VPS37A: variants seen among roughly 807,000 people sequenced by gnomAD.
VPS37A encodes VPS37A subunit of ESCRT-I.
Under a neutral mutation model 49.8 loss-of-function variants are expected in VPS37A, and 30 were observed. That is an observed-to-expected ratio of 0.60 (90% CI 0.45 to 0.82). VPS37A has a LOEUF of 0.82. VPS37A is among the 40% of genes least tolerant of loss of function. The pLI is 0.00. For missense variants in VPS37A, 593 were observed against 464.4 expected, an observed-to-expected ratio of 1.28 and a Z score of -2.55; for synonymous variants, 195 against 160.6, an observed-to-expected ratio of 1.21 and a Z score of -1.62.
chr8:17,292,534 G>C (rs1272000900), intron 11 of VPS37A, among the ~76,000 whole-genome samples: 1 of 152,124 alleles, frequency 6.6e-6, no homozygotes, highest in African/African-American at 2.4e-5. Context: ...CCCATTAGTT[G>C]ATGCAGTTTC....
chr8:17,285,407 TTTCTG>T (rs1173408534), intron 10 of VPS37A, among the ~76,000 whole-genome samples: 11 of 152,300 alleles, frequency 7.2e-5, no homozygotes, highest in African/African-American at 2.6e-4. Context: ...TGAGAAACAG[TTTCTG>T]TTCTGTTCTG....
chr8:17,260,636 T>C (rs1482860913), intron 1 of VPS37A, among the ~76,000 whole-genome samples: 1 of 152,196 alleles, frequency 6.6e-6, no homozygotes, highest in Non-Finnish European at 1.5e-5. Flanking sequence ...TCTTATAAGA[T>C]GGGTCTTGGG....
At chr8:17,272,275 TTTG>T (rs1027542064) in intron 4 of VPS37A, among the ~76,000 whole-genome samples, 6 of 152,056 alleles carry the variant, frequency 3.9e-5, no homozygotes, top group African/African-American at 7.2e-5. Flanking sequence ...ACTTTAGATT[TTTG>T]TTGTTGTTGT....
the VPS37A span, among the ~76,000 whole-genome samples, chr8:17,323,675 T>C: frequency 0.029 from 4,429 of 152,204 alleles, 216 homozygotes; most frequent in African/African-American, 0.1. Flanking sequence ...ACACACCTCA[T>C]GCCAGCTGAG....
intron 1 of VPS37A, among the ~76,000 whole-genome samples, chr8:17,249,795 A>G (rs1014429897): frequency 2.6e-5 from 4 of 152,230 alleles, no homozygotes; most frequent in Non-Finnish European, 5.9e-5. Context: ...AAAGCATAAC[A>G]GATTTATTTA....
At position 17,274,961 on chromosome 8, in the gene VPS37A, T is replaced by A; in HGVS notation, c.642+3T>A. The stretch of plus-strand genomic sequence containing the variant: ...CCACAGTGGATGCTTCAATACCGGT[T>A]GGTATCGTCAGTTATCTATATTTTG... On this transcript the variant is annotated splice_donor_region_variant and intron_variant, in intron 5 of 11. Transcript: ENST00000324849. 6.3e-7 allele frequency: 1 copy of A among 1,597,256 alleles called. No individual in the cohort carries two copies. The highest frequency in any genetic ancestry group is 8.6e-7 in the Non-Finnish European group (1 of 1,165,090).
At chr8:17,259,447 A>C (rs1350408263) in intron 1 of VPS37A, among the ~76,000 whole-genome samples, 1 of 151,980 alleles carries the variant, frequency 6.6e-6, no homozygotes, top group Non-Finnish European at 1.5e-5. Flanking sequence ...ACTTGATGTA[A>C]TTTCTGATTT....
chr8:17,309,692 G>A, the VPS37A span, among the ~76,000 whole-genome samples: 2 of 152,274 alleles, frequency 1.3e-5, no homozygotes, highest in South Asian at 4.1e-4. Context: ...ATTCGCCCAA[G>A]ATCATGCTAC....
intron 9 of VPS37A, among the ~76,000 whole-genome samples, chr8:17,282,266 TGAG>T (rs1045797559): frequency 1.3e-5 from 2 of 152,076 alleles, no homozygotes; most frequent in African/African-American, 4.8e-5. Context: ...TGGAAAAAAT[TGAG>T]GATTCAATAA....
chr8:17,277,050 C>T (rs1171477702), intron 6 of VPS37A, among the ~76,000 whole-genome samples: 1 of 152,024 alleles, frequency 6.6e-6, no homozygotes, highest in Non-Finnish European at 1.5e-5. Context: ...GTTCATGATA[C>T]TCATAAGGCT....
At chr8:17,329,177 C>A in the VPS37A span, among the ~76,000 whole-genome samples, 1 of 151,968 alleles carries the variant, frequency 6.6e-6, no homozygotes, top group Admixed American at 6.6e-5. Flanking sequence ...GTAGTATGAG[C>A]CTTCATATCT....
chr8:17,256,318 T>TTG (rs1812454920), intron 1 of VPS37A, among the ~76,000 whole-genome samples: 1 of 144,092 alleles, frequency 6.9e-6, no homozygotes, highest in South Asian at 2.2e-4. Context: ...TTTTTTTTTT[T>TTG]GGAGATAGGG....
chr8:17,281,231 T>C (rs1815028651), intron 9 of VPS37A, among the ~76,000 whole-genome samples: 1 of 152,064 alleles, frequency 6.6e-6, no homozygotes, highest in Non-Finnish European at 1.5e-5. Flanking sequence ...CACCAAATCC[T>C]ATGAAATAGG....
At chr8:17,269,361 A>C (rs1813772577) in intron 4 of VPS37A, among the ~76,000 whole-genome samples, 1 of 152,130 alleles carries the variant, frequency 6.6e-6, no homozygotes, top group South Asian at 2.1e-4. Flanking sequence ...TGAGCCAAGT[A>C]TGTTACCATG....
At chr8:17,267,865 A>G (rs1193581258) in intron 2 of VPS37A, among the ~76,000 whole-genome samples, 1 of 152,156 alleles carries the variant, frequency 6.6e-6, no homozygotes, top group Non-Finnish European at 1.5e-5. Context: ...ACAGAAAATT[A>G]TATGGCTAGA....
chr8:17,286,353 C>T lies in VPS37A; in HGVS notation c.1120C>T (p.His374Tyr). The change falls in exon 11 of 12, where the codon CAC becomes TAC. Residue 374 changes from histidine to tyrosine, a missense_variant. Coordinates refer to ENST00000324849, the MANE Select transcript of VPS37A (RefSeq NM_152415.3). Reference sequence around the variant, plus strand: ...TCAAAAATTTATTTTCTAGATTTGCCACTGTAGAAGAGCCAAGGAAGAGAA... The same window carrying T: ...TCAAAAATTTATTTTCTAGATTTGCTACTGTAGAAGAGCCAAGGAAGAGAA... ...SSFMEKRTIC[H>Y]CRRAKEEKLQ... is the part of the protein sequence containing the mutation. 2 of 1,613,102 alleles carry T rather than the reference C, an allele frequency of 1.2e-6. No individual in the cohort carries two copies. The highest frequency in any genetic ancestry group is 1.1e-5 in the South Asian group (1 of 90,902).
intron 9 of VPS37A, among the ~76,000 whole-genome samples, chr8:17,282,497 T>C (rs1431345500): frequency 6.6e-6 from 1 of 152,002 alleles, no homozygotes; most frequent in Non-Finnish European, 1.5e-5. Flanking sequence ...TATTTACCTC[T>C]ACAGATTGAA....
At chr8:17,271,126 T>C (rs1232810658) in intron 4 of VPS37A, among the ~76,000 whole-genome samples, 4 of 152,160 alleles carry the variant, frequency 2.6e-5, no homozygotes, top group African/African-American at 9.7e-5. Flanking sequence ...CTTCATAGAG[T>C]AATTTTCGTT....
At chr8:17,305,428 A>G (rs938848231), downstream of VPS37A, among the ~76,000 whole-genome samples, 7 of 152,202 alleles carry the variant, frequency 4.6e-5, no homozygotes, top group Non-Finnish European at 1.0e-4. Context: ...ATGGTAGCAT[A>G]GCCACCAAAT....
Sources: allele counts gnomAD v4.1 joint callset (sites outside exome capture counted in the v4.1 genomes callset), GRCh38; gene constraint gnomAD v4.1.1; transcripts MANE v1.5; gene names NCBI Gene and HGNC (gene_info 2026-07-23, HGNC 2026-07-21).